The following NEIL2 variants were observed in gnomAD, a reference collection of about 807,000 sequenced individuals.
The protein encoded by NEIL2 is nei like DNA glycosylase 2.
Under a neutral mutation model 22.2 loss-of-function variants are expected in NEIL2, and 23 were observed. That is an observed-to-expected ratio of 1.04 (90% confidence interval 0.75 to 1.47). The LOEUF is 1.47. Among genes scored for constraint, NEIL2 ranks in the 40% most tolerant of loss-of-function variants. NEIL2 has a pLI of 0.00. For missense variants in NEIL2, 583 were observed against 404.7 expected (o/e 1.44, Z -3.78); for synonymous variants, 229 against 164.8 (o/e 1.39, Z -2.99).
intron 3 of NEIL2, among the ~76,000 whole-genome samples, chr8:11,781,923 G>A (rs575105795): frequency 6.6e-6 from 1 of 151,978 alleles, no homozygotes; most frequent in South Asian, 2.1e-4. Context: ...AATTAACCGG[G>A]TGTGGGGGTG....
chr8:11,781,429 C>G (rs918656144), intron 3 of NEIL2, among the ~76,000 whole-genome samples: 5 of 152,138 alleles, frequency 3.3e-5, no homozygotes, highest in African/African-American at 1.2e-4. Context: ...ACCAAAAAAT[C>G]CAGAAGAAGA....
intron 1 of NEIL2, among the ~76,000 whole-genome samples, chr8:11,771,066 G>C (rs775528764): frequency 2.0e-5 from 3 of 152,224 alleles, no homozygotes; most frequent in Non-Finnish European, 4.4e-5. Flanking sequence ...GGGGGACAGA[G>C]AAAGTCAGGA....
chr8:11,781,104 G>A (rs191049957), intron 3 of NEIL2, among the ~76,000 whole-genome samples: 1 of 152,308 alleles, frequency 6.6e-6, no homozygotes, highest in East Asian at 1.9e-4. Context: ...TGCCCCCAGA[G>A]AAAGTCACAT....
In NEIL2 at chr8:11,783,225, G is replaced by C; in HGVS notation, c.514G>C (p.Gly172Arg). ...SPRLVLHFGG[G>R]GFLAFYNCQL... is the part of the protein sequence containing the mutation. ...CAGGTTGGTCCTGCACTTTGGTGGT[G>C]GTGGCTTCCTGGCATTTTATAATTG... The change falls in exon 4 of 5, where the codon GGT (glycine) becomes CGT (arginine). Residue 172 changes from glycine to arginine, a missense_variant. Coordinates refer to ENST00000284503, the MANE Select transcript of NEIL2 (RefSeq NM_145043.4). 6.2e-7 allele frequency: 1 copy of C among 1,614,236 alleles called. No individual in the cohort carries two copies. The highest frequency in any genetic ancestry group is 8.5e-7 in the Non-Finnish European group (1 of 1,180,036).
chr8:11,773,372 G>T (rs1475570421), intron 2 of NEIL2, among the ~76,000 whole-genome samples: 4 of 152,178 alleles, frequency 2.6e-5, no homozygotes. Flanking sequence ...GCAGTGCTTT[G>T]AAGTGAGCGC....
chr8:11,773,834 C>A (rs547945028), intron 2 of NEIL2, among the ~76,000 whole-genome samples: 26 of 152,266 alleles, frequency 1.7e-4, no homozygotes, highest in African/African-American at 6.3e-4. Flanking sequence ...AATGGCTACT[C>A]TAGCTCATGG....
chr8:11,771,489 C>A lies in NEIL2; in HGVS notation c.42C>A (p.Val14=). Residue 14 remains valine, a synonymous_variant, in exon 2 of 5, where the codon GTC becomes GTA. Transcript: ENST00000284503. ...TGGTGAGGAAATTTCACCATTTGGT[C>A]TCCCCCTTTGTGGGTCAGCAGGTGG... is the stretch of plus-strand genomic sequence containing the variant. The part of the protein sequence containing the change: ...GPLVRKFHHL[V]SPFVGQQVVK... The A allele has an allele frequency of 1.2e-6, 2 of 1,614,100 alleles. No homozygotes were observed. The highest frequency in any genetic ancestry group is 2.7e-5 in the African/African-American group (2 of 75,030).
chr8:11,773,420 TA>T (rs922218725), intron 2 of NEIL2, among the ~76,000 whole-genome samples: 3 of 152,140 alleles, frequency 2.0e-5, no homozygotes, highest in Non-Finnish European at 4.4e-5. Context: ...TCCCTGACCC[TA>T]GGAACTTAGA....
chr8:11,772,264 A>G (rs1050207557), intron 2 of NEIL2, among the ~76,000 whole-genome samples: 4 of 152,182 alleles, frequency 2.6e-5, no homozygotes, highest in Non-Finnish European at 4.4e-5. Flanking sequence ...TCATCCTTCC[A>G]GGGGCTCACG....
At chr8:11,778,518 C>G (rs1011657676) in intron 2 of NEIL2, among the ~76,000 whole-genome samples, 2 of 152,122 alleles carry the variant, frequency 1.3e-5, no homozygotes, top group African/African-American at 4.8e-5. Context: ...GAAAGTAACA[C>G]AGGCATTTCC....
At chr8:11,777,906 A>C (rs1804050384) in intron 2 of NEIL2, among the ~76,000 whole-genome samples, 1 of 152,218 alleles carries the variant, frequency 6.6e-6, no homozygotes, top group East Asian at 1.9e-4. Context: ...CCTAATCTCA[A>C]AGTTGCCATC....
intron 2 of NEIL2, among the ~76,000 whole-genome samples, chr8:11,775,454 G>T (rs1372817335): frequency 6.6e-6 from 1 of 152,186 alleles, no homozygotes; most frequent in Admixed American, 6.5e-5. Flanking sequence ...TTCCTTCTAG[G>T]TGTCTGGACC....
chr8:11,786,282 T>C lies in NEIL2; in HGVS notation c.*9T>C. ...AGTGCCAGTTCTCCTAAGGAGCTGG[T>C]GGTGCTCCTCACGGAACCTTGCCGC... On this transcript the variant is annotated 3_prime_UTR_variant, in exon 5 of 5. Coordinates refer to ENST00000284503, the MANE Select transcript of NEIL2 (RefSeq NM_145043.4). 1 of 1,607,504 alleles carries C rather than the reference T, an allele frequency of 6.2e-7. No individual in the cohort carries two copies.
rs1217488023 is a variant in NEIL2, at chr8:11,779,613, T to A, written c.154T>A (p.Leu52Ile). The part of the protein sequence containing the change: ...LQDTQVHGKK[L>I]FLRFDLDEEM... Reference sequence around the variant, plus strand: ...TTTTTTCTAGGTCCATGGAAAGAAATTATTCCTTAGATTTGATCTAGATGA... The same window carrying A: ...TTTTTTCTAGGTCCATGGAAAGAAAATATTCCTTAGATTTGATCTAGATGA... The change falls in exon 3 of 5, where the codon TTA becomes ATA. Residue 52 changes from leucine (L) to isoleucine (I), a missense_variant. Coordinates refer to ENST00000284503, the MANE Select transcript of NEIL2 (RefSeq NM_145043.4). The A allele has an allele frequency of 6.2e-7, 1 of 1,612,610 alleles. No homozygotes were observed.
intron 2 of NEIL2, 153 bp downstream of exon 2, chr8:11,771,738 C>T (rs1042389986): frequency 1.4e-6 from 1 of 722,420 alleles, no homozygotes; most frequent in Non-Finnish European, 2.3e-6. Context: ...TCACGTGTCT[C>T]AGCCAGAAGT....
At chr8:11,783,035 G>A in intron 3 of NEIL2, 168 bp from the exon 4 acceptor site, 1 of 695,286 alleles carries the variant, frequency 1.4e-6, no homozygotes, top group Non-Finnish European at 2.7e-6. Flanking sequence ...CTATACTGTG[G>A]TAACGATGTG....
At chr8:11,783,464 G>A in intron 4 of NEIL2, 65 bp downstream of exon 4, 2 of 1,443,710 alleles carry the variant, frequency 1.4e-6, no homozygotes, top group African/African-American at 1.4e-5. Flanking sequence ...TCCTGTGGGA[G>A]TCAGAAGACC....
chr8:11,775,072 T>C (rs8191573), intron 2 of NEIL2, among the ~76,000 whole-genome samples: 3,976 of 152,354 alleles, frequency 0.026, 168 homozygotes, highest in African/African-American at 0.091. Flanking sequence ...ACAGCTCTAC[T>C]AGGCAGTGCC....
chr8:11,771,608 G>T, intron 2 of NEIL2, 23 bp downstream of exon 2: 1 of 1,606,446 alleles, frequency 6.2e-7, no homozygotes, highest in Non-Finnish European at 8.5e-7. Context: ...TCCTCTGAAG[G>T]GTTGGCTCTG....
Sources: gnomAD v4.1 joint callset for allele counts (sites outside exome capture counted in the v4.1 genomes callset) on GRCh38, gnomAD v4.1.1 for gene constraint, MANE v1.5 for transcripts, NCBI Gene and HGNC (gene_info 2026-07-23, HGNC 2026-07-21) for gene names.